Variants in FN1 observed in about 807,000 individuals in gnomAD.
The protein encoded by FN1 is fibronectin 1, also known as fibronectin.
A neutral mutation model predicts 297.3 loss-of-function variants in FN1; 106 were observed. The ratio of observed to expected loss-of-function variants is 0.36; its 90% CI spans 0.30 to 0.42. FN1 has a LOEUF of 0.42. FN1 is among the 10% of genes least tolerant of loss of function. FN1 has a pLI of 1.00. For missense variants in FN1, 2,690 were observed against 3,124.9 expected (o/e 0.86, Z 3.32); for synonymous variants, 1,149 against 1,152.6 (o/e 1.00, Z 0.06).
chr2:215,376,628 G>A lies in FN1; in HGVS notation c.5757C>T (p.Thr1919=), dbSNP rs771242439. The change falls in exon 36 of 46, where the codon ACC becomes ACT. Residue 1919 remains threonine, a synonymous_variant. Coordinates refer to ENST00000354785, the MANE Select transcript of FN1 (RefSeq NM_212482.4). ...TGGTTCTCCAGCTAATGGTGATGGT[G>A]GTCTCAGTAGCATCTGTCACACGAG... ...RRARVTDATE[T]TITISWRTKT... is the part of the protein sequence containing the mutation. The A allele has an allele frequency of 1.9e-6, 3 of 1,613,838 alleles. No homozygotes were observed. The Admixed American group carries it at 5.0e-5, about 27-fold the overall frequency.
chr2:215,392,166 C>T lies in FN1; in HGVS notation c.4070-352G>A, dbSNP rs553387744. 3 of 274,896 alleles carry T rather than the reference C, an allele frequency of 1.1e-5. No individual in the cohort carries two copies. In the South Asian group the frequency reaches 1.2e-4, roughly 11 times the overall value. 17.0% of individuals were successfully genotyped at this position (274,896 alleles called of 1,614,324 possible). ...TGCCACACAGCAAAGAGAAACATAGCAGTACTTTACAAAGAAATACATGCA... is the reference window on the plus strand; with the variant it reads ...TGCCACACAGCAAAGAGAAACATAGTAGTACTTTACAAAGAAATACATGCA... On this transcript the variant is annotated intron_variant, in intron 25 of 45. Coordinates refer to ENST00000354785, the MANE Select transcript of FN1 (RefSeq NM_212482.4).
Position 215,431,851 on chromosome 2 carries a change from A to C in FN1, c.529T>G (p.Trp177Gly). Residue 177 changes from tryptophan (W) to glycine (G), a missense_variant, in exon 4 of 46, where the codon TGG (tryptophan) becomes GGG (glycine). Coordinates refer to ENST00000354785, the MANE Select transcript of FN1 (RefSeq NM_212482.4). ...CACACACCTATGGGCTTGCAGGTCC[A>C]TTCTCCTTTTCCATTACCAAGACAC... ...CVCLGNGKGE[W>G]TCKPIAEKCF... is the part of the protein sequence containing the mutation. 6.2e-7 allele frequency: 1 copy of C among 1,614,114 alleles called. No homozygotes were observed. Among genetic ancestry groups the C allele is most frequent in the Non-Finnish European group, 8.5e-7 (1 of 1,180,022 alleles).
chr2:215,420,196 G>A (rs1002956216), intron 11 of FN1, among the ~76,000 whole-genome samples: 1 of 152,092 alleles, frequency 6.6e-6, no homozygotes, highest in Admixed American at 6.6e-5. Flanking sequence ...AAAATTAGCT[G>A]GGCCTGGTGG....
intron 28 of FN1, 92 bp downstream of exon 28, chr2:215,386,597 G>GTT: frequency 9.0e-6 from 3 of 334,448 alleles, no homozygotes; most frequent in Non-Finnish European, 1.5e-5. Flanking sequence ...TTTTTTTTGA[G>GTT]AGCTGATGAC....
At chr2:215,407,978 AC>A (rs2062014758) in intron 17 of FN1, 129 bp downstream of exon 17, 5 of 688,176 alleles carry the variant, frequency 7.3e-6, no homozygotes, top group African/African-American at 1.8e-5. Flanking sequence ...ACACACACAC[AC>A]AAACCCCTCT....
intron 26 of FN1, among the ~76,000 whole-genome samples, chr2:215,390,293 T>C (rs531986876): frequency 2.8e-4 from 42 of 152,266 alleles, no homozygotes; most frequent in African/African-American, 9.6e-4. Flanking sequence ...CAGGTGATCC[T>C]CCTACCTCAA....
rs752741498 is a variant in FN1, at chr2:215,372,347, T to A, written c.6276A>T (p.Pro2092=). ...TCTCTGGTCCATGAAGATTGGGGTG[T>A]GGAAGGGTTACCAGTTGGGGAAGCT... ...TDELPQLVTL[P]HPNLHGPEIL... is the part of the protein sequence containing the mutation. Residue 2092 remains proline, a synonymous_variant, in exon 40 of 46, where the codon CCA becomes CCT. Transcript: ENST00000354785. The A allele has an allele frequency of 6.2e-7, 1 of 1,613,952 alleles. No individual in the cohort carries two copies. Among genetic ancestry groups the A allele is most frequent in the East Asian group, 2.2e-5 (1 of 44,884 alleles).
At chr2:215,394,003 C>T (rs1186032124) in intron 24 of FN1, among the ~76,000 whole-genome samples, 1 of 152,036 alleles carries the variant, frequency 6.6e-6, no homozygotes, top group Non-Finnish European at 1.5e-5. Flanking sequence ...ACTTTTACTT[C>T]TTTTTTTTAA....
intron 39 of FN1, among the ~76,000 whole-genome samples, chr2:215,372,686 GTCTTTC>G (rs1168816881): frequency 2.0e-5 from 3 of 151,574 alleles, no homozygotes; most frequent in Non-Finnish European, 2.9e-5. Flanking sequence ...GAAATGTGCA[GTCTTTC>G]TCTTTCTCTC....
intron 20 of FN1, among the ~76,000 whole-genome samples, chr2:215,403,894 T>G (rs2061437684): frequency 6.6e-6 from 1 of 152,258 alleles, no homozygotes; most frequent in Admixed American, 6.5e-5. Flanking sequence ...CATAGATATT[T>G]TTATTCTGCA....
In FN1 at chr2:215,425,113, T is replaced by A; in HGVS notation, c.1017A>T (p.Gly339=). 6.2e-7 allele frequency: 1 copy of A among 1,614,214 alleles called. No homozygotes were observed. The highest frequency in any genetic ancestry group is 8.5e-7 in the Non-Finnish European group (1 of 1,180,034). Residue 339 remains glycine (G), a synonymous_variant, in exon 7 of 46, where the codon GGA becomes GGT. Coordinates refer to ENST00000354785, the MANE Select transcript of FN1 (RefSeq NM_212482.4). ...KQMLCTCLGN[G]VSCQETAVTQ... ...GCATACCTGTCTCTTGGCAGCTGAC[T>A]CCGTTGCCCAGGCACGTGCAAAGCA... is the stretch of plus-strand genomic sequence containing the variant.
chr2:215,426,595 A>C (rs2065483580), intron 6 of FN1, among the ~76,000 whole-genome samples: 1 of 152,126 alleles, frequency 6.6e-6, no homozygotes, highest in African/African-American at 2.4e-5. Flanking sequence ...AGATGTTCAC[A>C]GACAAAGAAT....
In FN1 at chr2:215,397,245, A is replaced by T. The variant is rs768149416; in HGVS notation, c.3518-22T>A. ...AATGCTATGCAGAAAGAACATTTTA[A>T]AAGTCAAAGCTGACACAAAGCTCTT... On this transcript the variant is annotated intron_variant, in intron 22 of 45. Transcript: ENST00000354785. 3 of 1,569,902 alleles carry T rather than the reference A, an allele frequency of 1.9e-6. No homozygotes were observed. In the African/African-American group the frequency reaches 4.1e-5, roughly 21 times the overall value.
In FN1 at chr2:215,373,388, T is replaced by G; in HGVS notation, c.6181A>C (p.Thr2061Pro). ...ITGLEPGTEY[T>P]IYVIALKNNQ... ...TTCTTCAGGGCAATGACATAAATTG[T>G]ATATTCGGTTCCCGGTTCCAGGCCT... The change falls in exon 39 of 46, where the codon ACA becomes CCA. Residue 2061 changes from threonine (T) to proline (P), a missense_variant. This residue lies in a region of FN1 where 1,743 missense variants were observed against 1,945.2 expected (regional missense o/e 0.90). Coordinates refer to ENST00000354785, the MANE Select transcript of FN1 (RefSeq NM_212482.4). The G allele has an allele frequency of 6.2e-7, 1 of 1,613,308 alleles. No individual in the cohort carries two copies.
In FN1 at chr2:215,407,108, G is replaced by T; in HGVS notation, c.2713+19C>A. 1.3e-6 allele frequency: 2 copies of T among 1,584,654 alleles called. No homozygotes were observed. The highest frequency in any genetic ancestry group is 1.1e-5 in the South Asian group (1 of 90,476). ...ATCCTGATAAGATAACATAGGAAGT[G>T]TCTTCTTAAAAAAGTTACCTGAGCG... On this transcript the variant is annotated intron_variant, in intron 18 of 45. Coordinates refer to ENST00000354785, the MANE Select transcript of FN1 (RefSeq NM_212482.4).
At chr2:215,361,672 A>T in intron 45 of FN1, 46 bp from the exon 46 acceptor site, 1 of 1,414,628 alleles carries the variant, frequency 7.1e-7, no homozygotes. Context: ...CAAATACTGT[A>T]AAGTGTACAG....
intron 3 of FN1, 108 bp from the exon 4 acceptor site, chr2:215,432,072 G>T: frequency 2.3e-6 from 3 of 1,286,000 alleles, no homozygotes; most frequent in Non-Finnish European, 3.4e-6. Context: ...TAGAGACACA[G>T]ACAACAGCTT....
At chr2:215,429,886 A>G (rs2106506664) in intron 5 of FN1, among the ~76,000 whole-genome samples, 1 of 152,340 alleles carries the variant, frequency 6.6e-6, no homozygotes, top group Non-Finnish European at 1.5e-5. Flanking sequence ...TTTGAATCAG[A>G]CATCTAATTT....
chr2:215,374,714 C>T (rs2056934160), intron 38 of FN1, among the ~76,000 whole-genome samples: 1 of 152,176 alleles, frequency 6.6e-6, no homozygotes, highest in Non-Finnish European at 1.5e-5. Context: ...GGCTTATAGT[C>T]TTTCCCACCA....
Sources: gnomAD v4.1 joint callset for allele counts (sites outside exome capture counted in the v4.1 genomes callset) on GRCh38, gnomAD v4.1.1 for gene constraint, gnomAD v4.1.1 regional missense constraint, MANE v1.5 for transcripts, NCBI Gene and HGNC (gene_info 2026-07-23, HGNC 2026-07-21) for gene names.